The following ATG7 variants were observed in gnomAD, a reference collection of about 807,000 sequenced individuals.
ATG7 encodes the protein autophagy related 7.
In ATG7, 70 loss-of-function variants were observed where a neutral mutation model predicts 82.4. That is an observed-to-expected ratio of 0.85 (90% CI 0.70 to 1.04). The LOEUF (loss-of-function observed/expected upper bound fraction) is 1.04, where lower values mean the gene tolerates loss of function less well. Ranked by LOEUF, ATG7 falls within the 50% of genes least tolerant of loss-of-function variation. ATG7 has a pLI of 0.00. For missense variants in ATG7, 792 were observed against 864.3 expected (o/e 0.92, Z 1.05); for synonymous variants, 287 against 313.0 (o/e 0.92, Z 0.88).
At position 11,477,433 on chromosome 3, in the gene ATG7, G is replaced by A. The variant is rs1559705647; in HGVS notation, c.2079+50507G>A. On this transcript the variant is annotated intron_variant, in intron 20 of 20. Transcript: ENST00000693202. ...ATAATTCTATTTCTTTTAAACACAAGCATCAGCATGTTTTCTCCCTCTAAT... is the reference window on the plus strand; with the variant it reads ...ATAATTCTATTTCTTTTAAACACAAACATCAGCATGTTTTCTCCCTCTAAT... 26 of 546,974 alleles carry A rather than the reference G, an allele frequency of 4.8e-5. 1 individual carries two copies. The South Asian group carries it at 1.3e-3, about 27-fold the overall frequency. 33.9% of individuals were successfully genotyped at this position (546,974 alleles called of 1,614,324 possible).
At chr3:11,525,098 G>A (rs894231839) in intron 20 of ATG7, among the ~76,000 whole-genome samples, 1 of 151,670 alleles carries the variant, frequency 6.6e-6, no homozygotes, top group Non-Finnish European at 1.5e-5. Context: ...GTGCAGTGGC[G>A]CGATCTCAGC....
At chr3:11,379,923 G>C in intron 18 of ATG7, 49 bp from the exon 19 acceptor site, 1 of 1,560,458 alleles carries the variant, frequency 6.4e-7, no homozygotes, top group Non-Finnish European at 8.8e-7. Context: ...TTTCATAGAT[G>C]TGGTCGTTGT....
intron 20 of ATG7, among the ~76,000 whole-genome samples, chr3:11,459,987 C>T (rs2086148216): frequency 1.3e-5 from 2 of 152,214 alleles, no homozygotes. Context: ...CTGCCTCTTA[C>T]ATGTCTCAAA....
intron 20 of ATG7, among the ~76,000 whole-genome samples, chr3:11,486,820 G>GTTTTTTTTTTTTTTTTTTTTTATTTTT (rs34251925): frequency 7.6e-6 from 1 of 131,992 alleles, no homozygotes; most frequent in Non-Finnish European, 1.6e-5. Context: ...CTTTGGTTCT[G>GTTTTTTTTTTTTTTTTTTTTTATTTTT]TTTTTTTTTT....
At chr3:11,473,776 A>G (rs2153020117) in intron 20 of ATG7, among the ~76,000 whole-genome samples, 1 of 152,348 alleles carries the variant, frequency 6.6e-6, no homozygotes, top group South Asian at 2.1e-4. Context: ...TTAATATTAA[A>G]TCAAGACTTT....
chr3:11,427,504 T>A (rs1203346370), intron 20 of ATG7, among the ~76,000 whole-genome samples: 1 of 151,646 alleles, frequency 6.6e-6, no homozygotes, highest in Non-Finnish European at 1.5e-5. Flanking sequence ...TTTTTTTTTT[T>A]TTTAAAGACT....
intron 20 of ATG7, among the ~76,000 whole-genome samples, chr3:11,436,944 G>A (rs1452389375): frequency 6.6e-6 from 1 of 152,186 alleles, no homozygotes; most frequent in Non-Finnish European, 1.5e-5. Context: ...TACTTAAAAT[G>A]TTTCCTTTCG....
chr3:11,530,937 C>T (rs1159916256), intron 20 of ATG7, among the ~76,000 whole-genome samples: 1 of 152,124 alleles, frequency 6.6e-6, no homozygotes, highest in East Asian at 1.9e-4. Context: ...GCCAAGGTCA[C>T]GCCACTGCAC....
chr3:11,506,569 AAAAAAAAAAAAAAAAC>A (rs943102625), intron 20 of ATG7, among the ~76,000 whole-genome samples: 1 of 131,902 alleles, frequency 7.6e-6, no homozygotes, highest in African/African-American at 3.0e-5. Flanking sequence ...AAAAAAAAAA[AAAAAAAAAAAAAAAAC>A]CCAAAAATTA....
chr3:11,351,473 C>T (rs1289821098), intron 14 of ATG7, among the ~76,000 whole-genome samples: 4 of 152,110 alleles, frequency 2.6e-5, no homozygotes, highest in African/African-American at 9.7e-5. Flanking sequence ...GAAAGAAAAC[C>T]AGGGTGGCTG....
At chr3:11,571,047 G>A in the ATG7 span, among the ~76,000 whole-genome samples, 3 of 152,344 alleles carry the variant, frequency 2.0e-5, no homozygotes, top group East Asian at 5.8e-4. Context: ...GTTTGCCGAG[G>A]TGGCGGAGGC....
intron 20 of ATG7, among the ~76,000 whole-genome samples, chr3:11,511,315 T>C (rs1204607130): frequency 6.6e-6 from 1 of 152,136 alleles, no homozygotes; most frequent in Non-Finnish European, 1.5e-5. Context: ...CTGAGCTAGA[T>C]ACAAAGGTTC....
At chr3:11,284,664 G>A (rs1168509667) in intron 3 of ATG7, among the ~76,000 whole-genome samples, 3 of 151,932 alleles carry the variant, frequency 2.0e-5, no homozygotes, top group African/African-American at 7.3e-5. Context: ...CGATCCTCCT[G>A]TCTCAGCCTC....
At chr3:11,411,920 CCTT>C (rs2080940552) in intron 19 of ATG7, among the ~76,000 whole-genome samples, 1 of 150,734 alleles carries the variant, frequency 6.6e-6, no homozygotes, top group African/African-American at 2.4e-5. Context: ...AGTCCAATTT[CCTT>C]CTTTTGCCTG....
intron 19 of ATG7, among the ~76,000 whole-genome samples, chr3:11,411,458 T>A (rs776453944): frequency 5.9e-5 from 9 of 151,678 alleles, no homozygotes; most frequent in Non-Finnish European, 1.0e-4. Context: ...ACCCCGTCTC[T>A]AAAAATACAA....
intron 20 of ATG7, among the ~76,000 whole-genome samples, chr3:11,477,697 T>C (rs1047972791): frequency 6.6e-6 from 1 of 152,214 alleles, no homozygotes; most frequent in African/African-American, 2.4e-5. Context: ...TTTTTGCTTA[T>C]GTAGTTGGAA....
At chr3:11,518,201 T>A (rs1406637541) in intron 20 of ATG7, among the ~76,000 whole-genome samples, 2 of 151,932 alleles carry the variant, frequency 1.3e-5, no homozygotes, top group African/African-American at 4.8e-5. Flanking sequence ...AGAAAGTTAA[T>A]TAGAACCATG....
At chr3:11,479,003 C>CACACACAA (rs2088603125) in intron 20 of ATG7, among the ~76,000 whole-genome samples, 1 of 131,616 alleles carries the variant, frequency 7.6e-6, no homozygotes, top group Non-Finnish European at 1.6e-5. Context: ...CACACACACA[C>CACACACAA]ACACACACAC....
At chr3:11,275,533 T>TTC (rs1473270362) in intron 1 of ATG7, among the ~76,000 whole-genome samples, 1 of 148,698 alleles carries the variant, frequency 6.7e-6, no homozygotes, top group African/African-American at 2.5e-5. Context: ...TTTTTTTTTT[T>TTC]TTTTTTAGTA....
Sources: gnomAD v4.1 joint callset for allele counts (sites outside exome capture counted in the v4.1 genomes callset) on GRCh38, gnomAD v4.1.1 for gene constraint, MANE v1.5 for transcripts, NCBI Gene and HGNC (gene_info 2026-07-23, HGNC 2026-07-21) for gene names.